The following ASNS variants were observed in gnomAD, a reference collection of about 807,000 sequenced individuals.
ASNS encodes asparagine synthetase (glutamine-hydrolyzing), also known as asparagine synthetase [glutamine-hydrolyzing].
In ASNS, 37 loss-of-function variants were observed where a neutral mutation model predicts 62.6. The ratio of observed to expected loss-of-function variants is 0.59; its 90% CI spans 0.45 to 0.78. The LOEUF is 0.78. Among genes scored for constraint, ASNS ranks in the 30% least tolerant of loss-of-function variants. The pLI, the probability that ASNS is intolerant of heterozygous loss-of-function variation, is 0.00. For missense variants in ASNS, 520 were observed against 682.4 expected (o/e 0.76, Z 2.65); for synonymous variants, 207 against 237.9 (o/e 0.87, Z 1.19).
At chr7:97,894,639 T>C in the ASNS span, among the ~76,000 whole-genome samples, 1 of 151,840 alleles carries the variant, frequency 6.6e-6, no homozygotes, top group Non-Finnish European at 1.5e-5. Context: ...AGGGATAAAT[T>C]CCCAGACATA....
At position 97,854,721 on chromosome 7, in the gene ASNS, A is replaced by G. The variant is rs551205223; in HGVS notation, c.1138-41T>C. 3.0e-5 allele frequency: 49 copies of G among 1,613,248 alleles called. No individual in the cohort carries two copies. In the African/African-American group the frequency reaches 5.9e-4, roughly 19 times the overall value. On this transcript the variant is annotated intron_variant, in intron 9 of 12. Coordinates refer to ENST00000394308, the MANE Select transcript of ASNS (RefSeq NM_001673.5). ...AAACACCAAGAGTTTTGCTTTTGGC[A>G]CACAAAGCAGTTTTTCTTTCTCCCT... is the stretch of plus-strand genomic sequence containing the variant.
rs147144679 is a variant in ASNS, at chr7:97,860,577, A to G, written c.488-1179T>C. Among the ~76,000 whole-genome samples, 671 of 152,346 alleles carry G rather than the reference A, an allele frequency of 4.4e-3. 1 individual carries two copies. Among genetic ancestry groups the G allele is most frequent in the African/African-American group, 0.015 (637 of 41,580 alleles). ...CAGTATTAGTACAAACACTGTGACT[A>G]GTGTCCTAAGGACCCCTTTGATTGA... On this transcript the variant is annotated intron_variant, in intron 4 of 12. Coordinates refer to ENST00000394308, the MANE Select transcript of ASNS (RefSeq NM_001673.5).
the ASNS span, among the ~76,000 whole-genome samples, chr7:97,900,359 T>TAAAAAAAAAAA: frequency 7.2e-4 from 42 of 58,342 alleles, no homozygotes; most frequent in Middle Eastern, 0.01. Flanking sequence ...AGACTTTGTC[T>TAAAAAAAAAAA]CAAAAAAAAA....
the ASNS span, among the ~76,000 whole-genome samples, chr7:97,892,200 G>A: frequency 2.6e-5 from 4 of 152,188 alleles, no homozygotes; most frequent in African/African-American, 7.2e-5. Context: ...CATAGCCCAC[G>A]TTGTACCTTG....
At chr7:97,907,661 C>T in the ASNS span, among the ~76,000 whole-genome samples, 4 of 151,474 alleles carry the variant, frequency 2.6e-5, no homozygotes, top group East Asian at 1.9e-4. Flanking sequence ...CCCAGCTACT[C>T]GGGAGGCTGA....
At chr7:97,852,588 G>T in intron 12 of ASNS, 120 bp from the exon 13 acceptor site, 1 of 949,088 alleles carries the variant, frequency 1.1e-6, no homozygotes, top group Non-Finnish European at 1.6e-6. Context: ...GAGACCCTTT[G>T]AATCACCCAT....
At chr7:97,921,750 G>C in the ASNS span, among the ~76,000 whole-genome samples, 2 of 152,220 alleles carry the variant, frequency 1.3e-5, no homozygotes, top group Non-Finnish European at 2.9e-5. Flanking sequence ...CACTGTGGAA[G>C]GATAGGGGCT....
the ASNS span, chr7:97,898,774 T>C: frequency 1.4e-6 from 1 of 690,582 alleles, no homozygotes; most frequent in Non-Finnish European, 2.7e-6. Flanking sequence ...TTGTTGAACA[T>C]TTTTCAACCA....
At chr7:97,920,397 A>C in the ASNS span, among the ~76,000 whole-genome samples, 20 of 135,766 alleles carry the variant, frequency 1.5e-4, no homozygotes, top group South Asian at 2.5e-4. Flanking sequence ...CTCTCAAACC[A>C]CCCCCCAATG....
At chr7:97,861,098 C>T (rs1311707888) in intron 4 of ASNS, among the ~76,000 whole-genome samples, 4 of 142,748 alleles carry the variant, frequency 2.8e-5, no homozygotes, top group African/African-American at 1.1e-4. Flanking sequence ...CTCGGCTTAC[C>T]GCAAGCTCCG....
At chr7:97,912,455 T>A in the ASNS span, among the ~76,000 whole-genome samples, 1 of 151,554 alleles carries the variant, frequency 6.6e-6, no homozygotes, top group African/African-American at 2.4e-5. Flanking sequence ...GAGACGAGAG[T>A]CCTGGTCTGG....
the ASNS span, chr7:97,899,124 G>A: frequency 7.5e-6 from 3 of 400,428 alleles, no homozygotes; most frequent in Non-Finnish European, 1.4e-5. Flanking sequence ...CTGCCATGGT[G>A]CTGCTCGGAG....
intron 3 of ASNS, 115 bp from the exon 4 acceptor site, chr7:97,864,611 G>A (rs1791879660): frequency 4.1e-6 from 3 of 734,710 alleles, no homozygotes; most frequent in Non-Finnish European, 7.0e-6. Context: ...ATGCACTTTG[G>A]TGATTTAGGA....
chr7:97,920,919 G>A, the ASNS span, among the ~76,000 whole-genome samples: 2 of 152,194 alleles, frequency 1.3e-5, no homozygotes, highest in Admixed American at 6.5e-5. Context: ...CCCTCAGAGT[G>A]GCAGCGCCAA....
At chr7:97,879,481 T>G in the ASNS span, among the ~76,000 whole-genome samples, 1 of 152,200 alleles carries the variant, frequency 6.6e-6, no homozygotes, top group Non-Finnish European at 1.5e-5. Context: ...AGATAGGATG[T>G]TAAGTTGTCT....
the ASNS span, among the ~76,000 whole-genome samples, chr7:97,881,783 A>AGGAGG: frequency 6.6e-6 from 1 of 152,174 alleles, no homozygotes; most frequent in Non-Finnish European, 1.5e-5. Flanking sequence ...AGCCAGGGGC[A>AGGAGG]GGAGGGACGT....
the ASNS span, among the ~76,000 whole-genome samples, chr7:97,884,873 G>A: frequency 1.3e-5 from 2 of 152,140 alleles, no homozygotes; most frequent in Non-Finnish European, 2.9e-5. Flanking sequence ...TCCATGAGCA[G>A]TTTCCTGCCA....
At chr7:97,927,503 C>A in the ASNS span, among the ~76,000 whole-genome samples, 6 of 152,256 alleles carry the variant, frequency 3.9e-5, no homozygotes, top group East Asian at 1.9e-4. Flanking sequence ...AGGATGCAAA[C>A]CCCAGCCGCC....
At chr7:97,894,882 T>A in the ASNS span, among the ~76,000 whole-genome samples, 1 of 152,168 alleles carries the variant, frequency 6.6e-6, no homozygotes, top group Admixed American at 6.5e-5. Context: ...AAGGCCAGCA[T>A]TACCCTGATA....
Sources: allele counts gnomAD v4.1 joint callset (sites outside exome capture counted in the v4.1 genomes callset), GRCh38; gene constraint gnomAD v4.1.1; transcripts MANE v1.5; gene names NCBI Gene and HGNC (gene_info 2026-07-23, HGNC 2026-07-21).